TMEM91: variants seen among roughly 807,000 people sequenced by gnomAD.
The protein encoded by TMEM91 is dispanin subfamily C member 3.
In TMEM91, 6 loss-of-function variants were observed where a neutral mutation model predicts 13.3. That is an observed-to-expected ratio of 0.45 (90% CI 0.25 to 0.89). The LOEUF is 0.89. TMEM91 is among the 40% of genes least tolerant of loss of function. The pLI is 0.19. For missense variants in TMEM91, 193 were observed against 228.7 expected, an observed-to-expected ratio of 0.84 and a Z score of 1.01; for synonymous variants, 87 against 101.7, an observed-to-expected ratio of 0.86 and a Z score of 0.87.
chr19:41,372,968 TCACTTTG>T (rs2123171464), upstream of TMEM91, among the ~76,000 whole-genome samples: 1 of 152,160 alleles, frequency 6.6e-6, no homozygotes. Flanking sequence ...AGACTGGGTT[TCACTTTG>T]TTGCCCAGGC....
rs2038931006 is a variant in TMEM91 at position 41,383,079 on chromosome 19, A to T, written c.360+158A>T. ...GCCACTCTCTGCAAGATTTTTTTTG[A>T]GTCTCACTTTGTCGCCCAGGCTGGA... On this transcript the variant is annotated intron_variant, in intron 3 of 3. Coordinates refer to ENST00000392002, the MANE Select transcript of TMEM91 (RefSeq NM_001098821.2). 5.1e-5 allele frequency: 56 copies of T among 1,095,444 alleles called. 1 individual carries two copies. In the South Asian group the frequency reaches 8.4e-4, roughly 16 times the overall value. 67.9% of individuals were successfully genotyped at this position (1,095,444 alleles called of 1,614,324 possible).
intron 2 of TMEM91, among the ~76,000 whole-genome samples, chr19:41,382,416 G>C (rs1363746159): frequency 6.6e-6 from 1 of 151,992 alleles, no homozygotes. Flanking sequence ...CTGAGGTCAG[G>C]AGTTCAAGAC....
intron 1 of TMEM91, among the ~76,000 whole-genome samples, chr19:41,370,020 T>C (rs1333106499): frequency 1.3e-5 from 2 of 152,170 alleles, no homozygotes; most frequent in Non-Finnish European, 2.9e-5. Flanking sequence ...TCCCCCCTCT[T>C]CTGCAGCTCC....
chr19:41,378,638 C>T, intron 2 of TMEM91, 119 bp downstream of exon 2: 1 of 991,988 alleles, frequency 1.0e-6, no homozygotes, highest in Non-Finnish European at 1.5e-6. Flanking sequence ...AGTCTCACTT[C>T]CCAGCTGTGT....
chr19:41,367,501 G>A (rs1483195422), intron 1 of TMEM91, among the ~76,000 whole-genome samples: 1 of 151,776 alleles, frequency 6.6e-6, no homozygotes, highest in Admixed American at 6.6e-5. Context: ...CATGGCGGCG[G>A]GCGCCTGTAA....
Position 41,378,376 on chromosome 19 carries a change from G to A in TMEM91, c.67G>A (p.Ala23Thr), listed in dbSNP as rs1568492213. Residue 23 changes from alanine (A) to threonine (T), a missense_variant, in exon 2 of 4, where the codon GCC (alanine) becomes ACC (threonine). Physicochemically the swap from Ala to Thr is moderately conservative, Grantham distance 58. Transcript: ENST00000392002. ...LLEGTECETP[A>T]QKPGRHELGS... ...GGAGGGCACAGAATGTGAGACCCCT[G>A]CCCAGAAGCCTGGCAGGCATGAGCT... The A allele has an allele frequency of 6.2e-7, 1 of 1,614,168 alleles. No homozygotes were observed. The highest frequency in any genetic ancestry group is 2.2e-5 in the East Asian group (1 of 44,878).
At chr19:41,382,715 G>T (rs1263758842) in intron 2 of TMEM91, 57 bp from the exon 3 acceptor site, 2 of 1,583,728 alleles carry the variant, frequency 1.3e-6, no homozygotes, top group Non-Finnish European at 1.7e-6. Context: ...GGAGAGCAGA[G>T]CAATGGGGCA....
In TMEM91 at chr19:41,378,675, GTTC is replaced by G. The variant is rs570805642; in HGVS notation, c.210+162_210+164del. On this transcript the variant is annotated intron_variant, in intron 2 of 3. Coordinates refer to ENST00000392002, the MANE Select transcript of TMEM91 (RefSeq NM_001098821.2). ...TGGGCTTCTGAGATTTCCAGTTACG[GTTC>G]TTCTTGTTTTATGTCTCTCATCTTT... Among the ~76,000 whole-genome samples, 28 of 152,280 alleles carry G rather than the reference GTTC, an allele frequency of 1.8e-4. No homozygotes were observed. The East Asian group carries it at 5.4e-3, about 29-fold the overall frequency.
At chr19:41,372,243 G>T (rs1021137759), upstream of TMEM91, among the ~76,000 whole-genome samples, 10 of 152,128 alleles carry the variant, frequency 6.6e-5, no homozygotes, top group Middle Eastern at 3.2e-3. Flanking sequence ...GCTACTCGGA[G>T]GCTGAGGTAG....
chr19:41,375,453 T>C (rs1240738389), upstream of TMEM91, among the ~76,000 whole-genome samples: 1 of 151,072 alleles, frequency 6.6e-6, no homozygotes, highest in African/African-American at 2.4e-5. Context: ...TAATTTTTTG[T>C]ATTTTTAGTA....
At position 41,365,110 on chromosome 19, in the gene TMEM91, T is replaced by A. The variant is rs1001044338; in HGVS notation, c.-30+1015T>A. ...TATGTTGCCCAGTCTTGTCTTGACC[T>A]CCTGGGCTCTAGCTATCCTCCCAGT... On this transcript the variant is annotated intron_variant, in intron 1 of 3. Transcript: ENST00000413014. Among the ~76,000 whole-genome samples the A allele has an allele frequency of 4.6e-5, 7 of 151,942 alleles. No individual in the cohort carries two copies. The East Asian group carries it at 9.7e-4, about 21-fold the overall frequency.
At chr19:41,377,347 G>A (rs1313175518) in intron 1 of TMEM91, 2 of 152,972 alleles carry the variant, frequency 1.3e-5, no homozygotes, top group African/African-American at 4.8e-5. Context: ...GGACCTGAAA[G>A]GGGTGTTTTC....
intron 1 of TMEM91, among the ~76,000 whole-genome samples, chr19:41,371,354 C>CTTCCTTCCTTCCTTCT (rs1226141500): frequency 1.4e-5 from 2 of 146,886 alleles, no homozygotes; most frequent in Non-Finnish European, 1.5e-5. Context: ...TCCTTCCTTC[C>CTTCCTTCCTTCCTTCT]TTCCTTCCTT....
chr19:41,384,016 C>A lies in TMEM91; in HGVS notation c.*143C>A. ...GAGCGAGCTGGACTGGAACCCTTCC[C>A]CTTCCTGGCCACCGCTCTTCGGGCG... is the stretch of plus-strand genomic sequence containing the variant. On this transcript the variant is annotated 3_prime_UTR_variant, in exon 4 of 4. Transcript: ENST00000392002. 7.2e-7 allele frequency: 1 copy of A among 1,384,776 alleles called. No homozygotes were observed. Among genetic ancestry groups the A allele is most frequent in the Non-Finnish European group, 9.5e-7 (1 of 1,051,562 alleles). 85.8% of individuals were successfully genotyped at this position (1,384,776 alleles called of 1,614,324 possible).
intron 3 of TMEM91, 140 bp downstream of exon 3, chr19:41,383,061 T>C: frequency 7.8e-7 from 1 of 1,277,436 alleles, no homozygotes; most frequent in Non-Finnish European, 1.1e-6. Context: ...TCTGCCACTC[T>C]CTGCAAGATT....
In TMEM91 at chr19:41,378,506, C is replaced by T; in HGVS notation, c.197C>T (p.Pro66Leu). The T allele has an allele frequency of 6.2e-7, 1 of 1,614,058 alleles. No individual in the cohort carries two copies. Among genetic ancestry groups the T allele is most frequent in the Non-Finnish European group, 8.5e-7 (1 of 1,179,982 alleles). ...AGCGCTGGCCTGGGGGAACCAAGGC[C>T]CCCTGATGTTGAGGTAGGAAACAGC... Reference protein sequence around the residue: ...SVSAGLGEPRPPDVEDMSSSD... With the variant: ...SVSAGLGEPRLPDVEDMSSSD... Residue 66 changes from proline to leucine, a missense_variant, in exon 2 of 4, where the codon CCC becomes CTC. Coordinates refer to ENST00000392002, the MANE Select transcript of TMEM91 (RefSeq NM_001098821.2).
At chr19:41,375,395 C>T (rs1335451464), upstream of TMEM91, among the ~76,000 whole-genome samples, 1 of 149,358 alleles carries the variant, frequency 6.7e-6, no homozygotes. Context: ...TCTCCTGCCT[C>T]AGCCTCCCAA....
At position 41,378,324 on chromosome 19, in the gene TMEM91, T is replaced by G. The variant is rs1243004848; in HGVS notation, c.15T>G (p.Ser5Arg). ...TCCCCAAAGCCATGGACAGCCCTAG[T>G]CTTCGTGAGCTTCAACAGCCTCTGC... is the stretch of plus-strand genomic sequence containing the variant. MDSPSLRELQQPLLE... is the reference protein window; with the variant it reads MDSPRLRELQQPLLE... Residue 5 changes from serine to arginine, a missense_variant, in exon 2 of 4, where the codon AGT (serine) becomes AGG (arginine). Transcript: ENST00000392002. The G allele has an allele frequency of 2.5e-6, 4 of 1,614,140 alleles. No individual in the cohort carries two copies. Among genetic ancestry groups the G allele is most frequent in the Non-Finnish European group, 3.4e-6 (4 of 1,179,994 alleles).
At position 41,371,051 on chromosome 19, in the gene TMEM91, G is replaced by C. The variant is rs376484412; in HGVS notation, c.-30+6956G>C. Among the ~76,000 whole-genome samples, 46 of 151,136 alleles carry C rather than the reference G, an allele frequency of 3.0e-4. No homozygotes were observed. In the South Asian group the frequency reaches 9.3e-3, roughly 30 times the overall value. The stretch of plus-strand genomic sequence containing the variant: ...GGGTCTCGCTCTGTCACCCAGGCTG[G>C]AGTGTTCTGGTGAGATCTCAGCTCA... On this transcript the variant is annotated intron_variant, in intron 1 of 3. Transcript: ENST00000413014.
Sources: allele counts gnomAD v4.1 joint callset (sites outside exome capture counted in the v4.1 genomes callset), GRCh38; gene constraint gnomAD v4.1.1; transcripts MANE v1.5; gene names NCBI Gene and HGNC (gene_info 2026-07-23, HGNC 2026-07-21).